BMPR1A: variants seen among roughly 807,000 people sequenced by gnomAD.
BMPR1A encodes bone morphogenetic protein receptor type 1A.
BMPR1A carries 7 observed loss-of-function variants against 66.0 expected under a neutral mutation model. The ratio of observed to expected loss-of-function variants is 0.11; its 90% CI spans 0.06 to 0.20. BMPR1A has a LOEUF of 0.20. Ranked by LOEUF, BMPR1A falls within the 10% of genes least tolerant of loss-of-function variation. The probability of loss-of-function intolerance (pLI) is 1.00; values close to 1 mark genes in which losing one functional copy is unlikely to be tolerated. For synonymous variants in BMPR1A, 200 were observed against 229.7 expected, an observed-to-expected ratio of 0.87 and a Z score of 1.17; for missense variants, 408 against 669.1, an observed-to-expected ratio of 0.61 and a Z score of 4.31.
chr10:86,805,933 G>A (rs1048557507), intron 1 of BMPR1A, among the ~76,000 whole-genome samples: 20 of 147,712 alleles, frequency 1.4e-4, no homozygotes, highest in Non-Finnish European at 2.8e-4. Flanking sequence ...TTCCCTTCCA[G>A]TGGAGGATTC....
chr10:86,817,895 A>G (rs1189127520), intron 1 of BMPR1A, among the ~76,000 whole-genome samples: 1 of 152,246 alleles, frequency 6.6e-6, no homozygotes, highest in Non-Finnish European at 1.5e-5. Flanking sequence ...CCAAAGTTAG[A>G]CAAAGATACT....
Position 86,861,217 on chromosome 10 carries a change from G to GTTTCTT in BMPR1A, c.-152-14649_-152-14648insTTCTTT, listed in dbSNP as rs1564706043. 2.0e-4 allele frequency among the ~76,000 whole-genome samples: 30 copies of GTTTCTT among 152,284 alleles called. No homozygotes were observed. The East Asian group carries it at 5.0e-3, about 25-fold the overall frequency. On this transcript the variant is annotated intron_variant, in intron 2 of 12. Transcript: ENST00000372037. ...TGTAACGCAGAATAAAGAAAATAAA[G>GTTTCTT]TACAGATATTTCATTCCCAAGGCGG...
At chr10:86,825,131 A>G (rs1389714726) in intron 1 of BMPR1A, among the ~76,000 whole-genome samples, 1 of 147,554 alleles carries the variant, frequency 6.8e-6, no homozygotes, top group Non-Finnish European at 1.5e-5. Flanking sequence ...TAAGACAGGG[A>G]CTCACTCTGT....
chr10:86,907,069 G>A (rs1434978942), intron 7 of BMPR1A, among the ~76,000 whole-genome samples: 2 of 152,038 alleles, frequency 1.3e-5, no homozygotes, highest in African/African-American at 4.8e-5. Flanking sequence ...CTCCATCTGT[G>A]TATTCTGTTA....
intron 1 of BMPR1A, among the ~76,000 whole-genome samples, chr10:86,817,007 C>T (rs1842044028): frequency 6.6e-6 from 1 of 152,216 alleles, no homozygotes; most frequent in South Asian, 2.1e-4. Flanking sequence ...AAAAATGAGT[C>T]TTTGCGATAA....
At chr10:86,898,702 T>G (rs879840661) in intron 5 of BMPR1A, among the ~76,000 whole-genome samples, 1 of 152,198 alleles carries the variant, frequency 6.6e-6, no homozygotes, top group Non-Finnish European at 1.5e-5. Flanking sequence ...ACTTTTCTCT[T>G]CTGCAAGGCC....
chr10:86,789,737 GTAAC>G (rs557817624), intron 1 of BMPR1A, among the ~76,000 whole-genome samples: 161 of 149,562 alleles, frequency 1.1e-3, no homozygotes, highest in African/African-American at 3.8e-3. Flanking sequence ...AAACAAACAC[GTAAC>G]TAACTTAGAA....
intron 3 of BMPR1A, among the ~76,000 whole-genome samples, chr10:86,887,238 A>T (rs1307473948): frequency 6.6e-6 from 1 of 152,124 alleles, no homozygotes; most frequent in Admixed American, 6.5e-5. Flanking sequence ...TTGATGCCAC[A>T]TCTTTGCGTT....
chr10:86,780,154 G>T (rs1451589060), intron 1 of BMPR1A, among the ~76,000 whole-genome samples: 1 of 151,956 alleles, frequency 6.6e-6, no homozygotes, highest in Non-Finnish European at 1.5e-5. Flanking sequence ...TTTTTAATTG[G>T]ATTTGTTTTG....
intron 2 of BMPR1A, among the ~76,000 whole-genome samples, chr10:86,868,354 T>A (rs1171593043): frequency 3.3e-5 from 5 of 152,230 alleles, no homozygotes; most frequent in African/African-American, 1.2e-4. Flanking sequence ...CGAGTGGTGT[T>A]GCTCCAGTTG....
intron 3 of BMPR1A, among the ~76,000 whole-genome samples, chr10:86,883,853 CTTTG>C (rs547711319): frequency 3.3e-4 from 48 of 147,126 alleles, no homozygotes; most frequent in African/African-American, 6.5e-4. Flanking sequence ...ACAGTGTAAA[CTTTG>C]TTTGAGCGTA....
At chr10:86,764,736 C>T (rs1005073722) in intron 1 of BMPR1A, among the ~76,000 whole-genome samples, 5 of 152,220 alleles carry the variant, frequency 3.3e-5, no homozygotes, top group Admixed American at 1.3e-4. Context: ...TAGACCTCTA[C>T]TGTCCACTAC....
At chr10:86,772,067 C>CTTT (rs71475698) in intron 1 of BMPR1A, among the ~76,000 whole-genome samples, 1 of 142,254 alleles carries the variant, frequency 7.0e-6, no homozygotes, top group African/African-American at 2.6e-5. Context: ...AAAATTAGTG[C>CTTT]TTTTTTTTTT....
intron 3 of BMPR1A, among the ~76,000 whole-genome samples, chr10:86,886,457 G>A (rs915940487): frequency 8.5e-5 from 13 of 152,298 alleles, no homozygotes; most frequent in African/African-American, 2.2e-4. Context: ...TGACAACAGC[G>A]GAGTTGGAGA....
intron 1 of BMPR1A, among the ~76,000 whole-genome samples, chr10:86,761,731 G>C (rs1841060842): frequency 6.6e-6 from 1 of 152,216 alleles, no homozygotes; most frequent in Non-Finnish European, 1.5e-5. Flanking sequence ...GGCCTGGAAT[G>C]GATAGGAGGC....
intron 7 of BMPR1A, among the ~76,000 whole-genome samples, chr10:86,909,194 G>C (rs139065147): frequency 6.6e-6 from 1 of 152,126 alleles, no homozygotes; most frequent in African/African-American, 2.4e-5. Context: ...TTGGGAAGCC[G>C]CAGGGTGTTA....
intron 1 of BMPR1A, among the ~76,000 whole-genome samples, chr10:86,758,750 T>A (rs1238852062): frequency 6.6e-6 from 1 of 152,246 alleles, no homozygotes; most frequent in Non-Finnish European, 1.5e-5. Flanking sequence ...GGCTAGCCAC[T>A]CATTTCTTAA....
chr10:86,894,512 A>G (rs1843198415), intron 5 of BMPR1A, among the ~76,000 whole-genome samples: 1 of 152,226 alleles, frequency 6.6e-6, no homozygotes, highest in African/African-American at 2.4e-5. Flanking sequence ...AAAATTGAAG[A>G]AAGAGCTATG....
intron 1 of BMPR1A, among the ~76,000 whole-genome samples, chr10:86,780,712 C>T (rs774194839): frequency 3.6e-4 from 55 of 151,926 alleles, no homozygotes; most frequent in Non-Finnish European, 5.6e-4. Context: ...GGATTACAGG[C>T]GTGAGCGTGA....
Sources: gnomAD v4.1 joint callset for allele counts (sites outside exome capture counted in the v4.1 genomes callset) on GRCh38, gnomAD v4.1.1 for gene constraint, MANE v1.5 for transcripts, NCBI Gene and HGNC (gene_info 2026-07-23, HGNC 2026-07-21) for gene names.